The following ZFYVE9 variants were observed in gnomAD, a reference collection of about 807,000 sequenced individuals.
ZFYVE9 encodes the protein zinc finger FYVE domain-containing protein 9.
In ZFYVE9, 43 loss-of-function variants were observed where a neutral mutation model predicts 126.7. The ratio of observed to expected loss-of-function variants is 0.34; its 90% confidence interval spans 0.27 to 0.44. The LOEUF (loss-of-function observed/expected upper bound fraction) is 0.44. Ranked by LOEUF, ZFYVE9 falls within the 20% of genes least tolerant of loss-of-function variation. ZFYVE9 has a pLI of 1.00. For synonymous variants in ZFYVE9, 521 were observed against 597.4 expected, an observed-to-expected ratio of 0.87 and a Z score of 1.87; for missense variants, 1,476 against 1,697.0, an observed-to-expected ratio of 0.87 and a Z score of 2.29.
In ZFYVE9 at chr1:52,247,744, G is replaced by A. The variant is rs143249230; in HGVS notation, c.2178+8149G>A. 5.0e-3 allele frequency among the ~76,000 whole-genome samples: 753 copies of A among 152,118 alleles called. 4 individuals carry two copies. Among genetic ancestry groups the A allele is most frequent in the African/African-American group, 0.017 (713 of 41,476 alleles). On this transcript the variant is annotated intron_variant, in intron 4 of 18. Coordinates refer to ENST00000287727, the MANE Select transcript of ZFYVE9 (RefSeq NM_004799.4). Reference sequence around the variant, plus strand: ...ACTCCTGACCTCAGGTGATCTGCCCGTCTTGGCCTCCTAAAGTGCTGGGAT... The same window carrying A: ...ACTCCTGACCTCAGGTGATCTGCCCATCTTGGCCTCCTAAAGTGCTGGGAT...
At chr1:52,211,078 T>C (rs957037490) in intron 1 of ZFYVE9, among the ~76,000 whole-genome samples, 4 of 152,190 alleles carry the variant, frequency 2.6e-5, no homozygotes, top group African/African-American at 7.2e-5. Context: ...AATGTGGGCT[T>C]TCCGTGTGGT....
chr1:52,279,827 T>G (rs2147815087), intron 9 of ZFYVE9, among the ~76,000 whole-genome samples: 1 of 152,244 alleles, frequency 6.6e-6, no homozygotes, highest in Admixed American at 6.5e-5. Flanking sequence ...AATAGGCAAT[T>G]TTAAAGGACA....
At chr1:52,203,399 T>C (rs1644943494) in intron 1 of ZFYVE9, among the ~76,000 whole-genome samples, 1 of 151,768 alleles carries the variant, frequency 6.6e-6, no homozygotes, top group Admixed American at 6.6e-5. Context: ...GCCAGTCTGG[T>C]CTTGAACTCC....
chr1:52,198,774 A>T (rs1409476257), intron 1 of ZFYVE9, among the ~76,000 whole-genome samples: 2 of 152,166 alleles, frequency 1.3e-5, no homozygotes, highest in Non-Finnish European at 2.9e-5. Flanking sequence ...AGCAAAATTG[A>T]GAGGAAAATA....
At chr1:52,189,251 T>C (rs1405818727) in intron 1 of ZFYVE9, among the ~76,000 whole-genome samples, 1 of 150,848 alleles carries the variant, frequency 6.6e-6, no homozygotes, top group Admixed American at 6.6e-5. Flanking sequence ...TTTTTTTTTT[T>C]CTTTAGATAG....
In ZFYVE9 at chr1:52,334,108, A is replaced by T. The variant is rs563784847; in HGVS notation, c.3590-580A>T. ...ACTCCGTCTCAAAAAAAAAAAAAAA[A>T]ACTTAGCAGATAAAATAGTTGGCAA... On this transcript the variant is annotated intron_variant, in intron 14 of 18. Coordinates refer to ENST00000287727, the MANE Select transcript of ZFYVE9 (RefSeq NM_004799.4). Among the ~76,000 whole-genome samples the T allele has an allele frequency of 3.9e-3, 595 of 152,184 alleles. 3 individuals are homozygous for T. Among genetic ancestry groups the T allele is most frequent in the African/African-American group, 0.014 (567 of 41,528 alleles).
chr1:52,311,243 C>G (rs1422944269), intron 13 of ZFYVE9, among the ~76,000 whole-genome samples: 3 of 147,800 alleles, frequency 2.0e-5, no homozygotes, highest in African/African-American at 7.5e-5. Flanking sequence ...ATGTTAGAAT[C>G]AAATAGACCT....
chr1:52,314,843 C>T (rs772349676), intron 13 of ZFYVE9, among the ~76,000 whole-genome samples: 5 of 151,602 alleles, frequency 3.3e-5, no homozygotes, highest in South Asian at 4.2e-4. Context: ...AACCGCCAGG[C>T]GCGGTGGTGG....
intron 2 of ZFYVE9, among the ~76,000 whole-genome samples, chr1:52,225,841 A>G (rs774573828): frequency 6.6e-6 from 1 of 152,162 alleles, no homozygotes; most frequent in Non-Finnish European, 1.5e-5. Flanking sequence ...TGTCTGAGGT[A>G]TACACCCAAG....
chr1:52,269,187 T>A (rs565106776), intron 7 of ZFYVE9, among the ~76,000 whole-genome samples: 1 of 152,120 alleles, frequency 6.6e-6, no homozygotes, highest in African/African-American at 2.4e-5. Context: ...TGCAGTACAG[T>A]GGCGTGATCT....
Position 52,163,880 on chromosome 1 carries a change from G to C in ZFYVE9, c.-143+21477G>C, listed in dbSNP as rs1425035512. On this transcript the variant is annotated intron_variant, in intron 1 of 18. Coordinates refer to ENST00000287727, the MANE Select transcript of ZFYVE9 (RefSeq NM_004799.4). ...CTCTAGGCCATGCAATTGGTGATGT[G>C]CTTTCAGATGGGTAGATATTTATGG... Among the ~76,000 whole-genome samples, 4 of 152,048 alleles carry C rather than the reference G, an allele frequency of 2.6e-5. No homozygotes were observed. The East Asian group carries it at 7.7e-4, about 29-fold the overall frequency.
intron 1 of ZFYVE9, among the ~76,000 whole-genome samples, chr1:52,215,120 C>T (rs1645060733): frequency 6.6e-6 from 1 of 152,076 alleles, no homozygotes. Flanking sequence ...ATGATTTGAC[C>T]TTGAATCTAT....
intron 1 of ZFYVE9, among the ~76,000 whole-genome samples, chr1:52,209,697 G>A (rs573076197): frequency 2.0e-5 from 3 of 152,306 alleles, no homozygotes; most frequent in Admixed American, 2.0e-4. Flanking sequence ...AAATAGGCAA[G>A]ATTGAGAATT....
intron 1 of ZFYVE9, among the ~76,000 whole-genome samples, chr1:52,184,435 G>T (rs1205028809): frequency 1.4e-4 from 19 of 140,032 alleles, no homozygotes; most frequent in African/African-American, 5.1e-4. Context: ...TAGTAGAGAT[G>T]GGGTTTCCTC....
At chr1:52,329,487 T>A (rs1646320536) in intron 13 of ZFYVE9, among the ~76,000 whole-genome samples, 1 of 152,168 alleles carries the variant, frequency 6.6e-6, no homozygotes, top group African/African-American at 2.4e-5. Context: ...AAAAAATAGA[T>A]GAATTGGATT....
At chr1:52,327,378 C>T (rs1189739069) in intron 13 of ZFYVE9, among the ~76,000 whole-genome samples, 1 of 151,246 alleles carries the variant, frequency 6.6e-6, no homozygotes. Context: ...CTGAGTCGGG[C>T]AGATCACAAG....
intron 13 of ZFYVE9, among the ~76,000 whole-genome samples, chr1:52,327,964 ACT>A (rs1646308067): frequency 6.6e-6 from 1 of 150,900 alleles, no homozygotes; most frequent in Non-Finnish European, 1.5e-5. Context: ...ACAGAGCAAG[ACT>A]CTGTCTCAAA....
At chr1:52,222,733 C>T (rs1053774478) in intron 2 of ZFYVE9, among the ~76,000 whole-genome samples, 1 of 152,236 alleles carries the variant, frequency 6.6e-6, no homozygotes, top group Non-Finnish European at 1.5e-5. Flanking sequence ...GAACCTGTAG[C>T]TTTCCTCGAT....
intron 1 of ZFYVE9, among the ~76,000 whole-genome samples, chr1:52,203,110 C>T (rs1202940929): frequency 6.6e-6 from 1 of 152,016 alleles, no homozygotes; most frequent in Non-Finnish European, 1.5e-5. Context: ...CCTCTTTCTC[C>T]TTGTTTAGGT....
Sources: allele counts gnomAD v4.1 joint callset (sites outside exome capture counted in the v4.1 genomes callset), GRCh38; gene constraint gnomAD v4.1.1; transcripts MANE v1.5; gene names NCBI Gene and HGNC (gene_info 2026-07-23, HGNC 2026-07-21).